OR51E2: variants seen among roughly 807,000 people sequenced by gnomAD.
OR51E2 encodes the protein olfactory receptor family 51 subfamily E member 2, also known as olfactory receptor 51E2.
A neutral mutation model predicts 13.7 loss-of-function variants in OR51E2; 14 were observed. The observed-to-expected ratio is 1.02, with a 90% CI of 0.68 to 1.60. The LOEUF (loss-of-function observed/expected upper bound fraction) is 1.60, where lower values mean the gene tolerates loss of function less well. OR51E2 is among the 40% of genes most tolerant of loss of function. The probability of loss-of-function intolerance (pLI) is 0.00; values close to 1 mark genes in which losing one functional copy is unlikely to be tolerated. For missense variants in OR51E2, 483 were observed against 413.8 expected (o/e 1.17, Z -1.45); for synonymous variants, 180 against 157.6 (o/e 1.14, Z -1.07).
chr11:4,682,228 TC>T lies in OR51E2; in HGVS notation c.483del (p.Ile162SerfsTer22). On this transcript the variant is annotated frameshift_variant, in exon 2 of 2. Transcript: ENST00000396950. LOFTEE classifies it high-confidence loss of function. ...GSLFFFPLPL[L>X]IKRLAFCHSN... ...GAGTGGCAGAAGGCCAGCCGCTTGA[TC>T]AGCAGAGGCAGTGGGAAAAAAAAGA... 6.2e-7 allele frequency: 1 copy of T among 1,613,992 alleles called. No individual in the cohort carries two copies. The highest frequency in any genetic ancestry group is 8.5e-7 in the Non-Finnish European group (1 of 1,180,012).
At chr11:4,695,102 G>A (rs1589876224) in intron 1 of OR51E2, among the ~76,000 whole-genome samples, 2 of 152,184 alleles carry the variant, frequency 1.3e-5, no homozygotes, top group East Asian at 3.9e-4. Context: ...GAAAGCACCA[G>A]AGGTCAAATC....
At chr11:4,689,416 C>T (rs1384113045) in intron 1 of OR51E2, among the ~76,000 whole-genome samples, 2 of 152,050 alleles carry the variant, frequency 1.3e-5, no homozygotes, top group African/African-American at 4.8e-5. Flanking sequence ...AGAGGTATTG[C>T]TATTATAATT....
At chr11:4,691,619 C>A (rs1488360227) in intron 1 of OR51E2, 1 of 449,832 alleles carries the variant, frequency 2.2e-6, no homozygotes, top group African/African-American at 2.0e-5. Flanking sequence ...GAATGGAGAT[C>A]CAGGTGTGGA....
chr11:4,693,612 T>C (rs1847615779), intron 1 of OR51E2, among the ~76,000 whole-genome samples: 1 of 151,968 alleles, frequency 6.6e-6, no homozygotes, highest in South Asian at 2.1e-4. Context: ...TTCCAGCTAC[T>C]GGGGAGGCTG....
intron 1 of OR51E2, among the ~76,000 whole-genome samples, chr11:4,693,676 G>A (rs930777183): frequency 1.3e-5 from 2 of 152,082 alleles, no homozygotes; most frequent in Admixed American, 6.5e-5. Context: ...GAACCGAGAT[G>A]GCGCCATTGC....
At chr11:4,683,137 C>A (rs73388892) in intron 1 of OR51E2, among the ~76,000 whole-genome samples, 2,427 of 152,214 alleles carry the variant, frequency 0.016, 60 homozygotes, top group African/African-American at 0.054. Flanking sequence ...GCTTCCCTCC[C>A]CCCACTTTCT....
chr11:4,697,051 A>G (rs983751701), intron 1 of OR51E2, among the ~76,000 whole-genome samples: 1 of 152,200 alleles, frequency 6.6e-6, no homozygotes, highest in South Asian at 2.1e-4. Flanking sequence ...AATTCTTACT[A>G]TGTCATCATG....
chr11:4,688,019 CA>C (rs1847534939), intron 1 of OR51E2, among the ~76,000 whole-genome samples: 1 of 152,090 alleles, frequency 6.6e-6, no homozygotes, highest in Non-Finnish European at 1.5e-5. Context: ...TAAACAGAGC[CA>C]GATCATTAAG....
intron 1 of OR51E2, chr11:4,692,015 T>G (rs1458998362): frequency 6.0e-6 from 2 of 331,598 alleles, no homozygotes; most frequent in East Asian, 1.5e-4. Flanking sequence ...AAACTAAGAA[T>G]AAACACTTTA....
intron 1 of OR51E2, among the ~76,000 whole-genome samples, chr11:4,695,680 T>C (rs1380003263): frequency 1.3e-5 from 2 of 152,298 alleles, no homozygotes; most frequent in Middle Eastern, 3.4e-3. Context: ...ATCTCAGATT[T>C]GTTTTTCTCT....
rs752200411 is a variant in OR51E2, at chr11:4,682,636, C to A, written c.76G>T (p.Val26Phe). The A allele has an allele frequency of 6.2e-7, 1 of 1,614,182 alleles. No individual in the cohort carries two copies. The highest frequency in any genetic ancestry group is 1.1e-5 in the South Asian group (1 of 91,082). ...TACATGGAAAGGAGGGGGAAGCCAA[C>A]CCAGAAATGGGCTTTCTCTAATCCT... ...IPGLEKAHFW[V>F]GFPLLSMYVV... The change falls in exon 2 of 2, where the codon GTT becomes TTT. Residue 26 changes from valine (V) to phenylalanine (F), a missense_variant. Val to Phe is a conservative substitution (Grantham distance 50, BLOSUM62 -1). Transcript: ENST00000396950.
In OR51E2 at chr11:4,682,614, A is replaced by G. The variant is rs1847470159; in HGVS notation, c.98T>C (p.Met33Thr). Residue 33 changes from methionine (M) to threonine (T), a missense_variant, in exon 2 of 2, where the codon ATG becomes ACG. Met to Thr is a moderately conservative substitution (Grantham distance 81). Transcript: ENST00000396950. ...HFWVGFPLLS[M>T]YVVAMFGNCI... is the part of the protein sequence containing the mutation. The stretch of plus-strand genomic sequence containing the variant: ...GTTTCCAAACATTGCCACTACATAC[A>G]TGGAAAGGAGGGGGAAGCCAACCCA... 1.9e-6 allele frequency: 3 copies of G among 1,614,170 alleles called. No individual in the cohort carries two copies. The highest frequency in any genetic ancestry group is 2.5e-6 in the Non-Finnish European group (3 of 1,180,020).
intron 1 of OR51E2, chr11:4,691,758 A>C (rs1218804806): frequency 6.0e-6 from 2 of 334,638 alleles, no homozygotes; most frequent in African/African-American, 4.3e-5. Flanking sequence ...AGCTACATTC[A>C]TTTGTGTATT....
At chr11:4,695,625 A>G (rs1480926704) in intron 1 of OR51E2, among the ~76,000 whole-genome samples, 1 of 152,072 alleles carries the variant, frequency 6.6e-6, no homozygotes, top group African/African-American at 2.4e-5. Flanking sequence ...AAATCCTCCA[A>G]ATGATGTCAC....
chr11:4,694,812 G>A (rs559428854), intron 1 of OR51E2, among the ~76,000 whole-genome samples: 7 of 152,046 alleles, frequency 4.6e-5, no homozygotes, highest in Non-Finnish European at 8.8e-5. Context: ...TGGCAGATTT[G>A]GAGTGTGTGC....
intron 1 of OR51E2, among the ~76,000 whole-genome samples, chr11:4,694,575 TAC>T (rs71050422): frequency 0.18 from 26,450 of 147,774 alleles, 2,756 homozygotes; most frequent in East Asian, 0.32. Flanking sequence ...CATATATATA[TAC>T]ACACACACAC....
In OR51E2 at chr11:4,682,395, A is replaced by C; in HGVS notation, c.317T>G (p.Leu106Arg). The part of the protein sequence containing the change: ...CLTQMFFIHA[L>R]SAIESTILLA... ...CAGGATGGTGGATTCAATGGCTGAGAGGGCATGAATAAAGAACATCTGGGT... is the reference window on the plus strand; with the variant it reads ...CAGGATGGTGGATTCAATGGCTGAGCGGGCATGAATAAAGAACATCTGGGT... Residue 106 changes from leucine (L) to arginine (R), a missense_variant, in exon 2 of 2, where the codon CTC (leucine) becomes CGC (arginine). Physicochemically the swap from Leu to Arg is moderately radical, Grantham distance 102. Transcript: ENST00000396950. 7 of 1,614,202 alleles carry C rather than the reference A, an allele frequency of 4.3e-6. No homozygotes were observed. The highest frequency in any genetic ancestry group is 5.9e-6 in the Non-Finnish European group (7 of 1,180,036).
Position 4,682,881 on chromosome 11 carries a change from A to C in OR51E2, c.-50-120T>G, listed in dbSNP as rs1847474218. 6 of 640,782 alleles carry C rather than the reference A, an allele frequency of 9.4e-6. No homozygotes were observed. The Admixed American group carries it at 1.8e-4, about 19-fold the overall frequency. 39.7% of individuals were successfully genotyped at this position (640,782 alleles called of 1,614,324 possible). ...TCATAAGCTCTGAGGCCCTCTTCCA[A>C]AGGCGGGACTGTGACAGATCAAATT... On this transcript the variant is annotated intron_variant, in intron 1 of 1. Transcript: ENST00000396950.
chr11:4,688,791 A>C (rs1847544558), intron 1 of OR51E2, among the ~76,000 whole-genome samples: 1 of 152,144 alleles, frequency 6.6e-6, no homozygotes, highest in Non-Finnish European at 1.5e-5. Context: ...AGAGATCTAG[A>C]AGAAAGGGTC....
Sources: gnomAD v4.1 joint callset for allele counts (sites outside exome capture counted in the v4.1 genomes callset) on GRCh38, gnomAD v4.1.1 for gene constraint, MANE v1.5 for transcripts, NCBI Gene and HGNC (gene_info 2026-07-23, HGNC 2026-07-21) for gene names.